Variants in GRIN2B observed in about 807,000 individuals in gnomAD.
GRIN2B encodes glutamate ionotropic receptor NMDA type subunit 2B.
Under a neutral mutation model 114.5 loss-of-function variants are expected in GRIN2B, and 5 were observed. The ratio of observed to expected loss-of-function variants is 0.04; its 90% CI spans 0.02 to 0.09. The LOEUF (loss-of-function observed/expected upper bound fraction) is 0.09. Ranked by LOEUF, GRIN2B falls within the 10% of genes least tolerant of loss-of-function variation. GRIN2B has a pLI of 1.00. For synonymous variants in GRIN2B, 787 were observed against 745.1 expected, an observed-to-expected ratio of 1.06 and a Z score of -0.92; for missense variants, 1,108 against 1,943.5, an observed-to-expected ratio of 0.57 and a Z score of 8.08.
intron 3 of GRIN2B, among the ~76,000 whole-genome samples, chr12:13,859,620 T>C (rs1865721262): frequency 6.6e-6 from 1 of 152,152 alleles, no homozygotes; most frequent in Non-Finnish European, 1.5e-5. Flanking sequence ...TTTTTCTTAC[T>C]CCCTCATCGT....
intron 5 of GRIN2B, among the ~76,000 whole-genome samples, chr12:13,631,248 G>C (rs11055555): frequency 6.6e-6 from 1 of 152,148 alleles, no homozygotes; most frequent in Admixed American, 6.5e-5. Context: ...CCACTGAAGG[G>C]CAGGCGGATA....
intron 3 of GRIN2B, among the ~76,000 whole-genome samples, chr12:13,779,840 C>T (rs150377141): frequency 1.1e-4 from 17 of 152,300 alleles, no homozygotes; most frequent in African/African-American, 3.1e-4. Context: ...GCCTCAGTTG[C>T]CCCATCTGTC....
intron 13 of GRIN2B, among the ~76,000 whole-genome samples, chr12:13,565,379 T>C (rs1948625287): frequency 6.6e-6 from 1 of 152,224 alleles, no homozygotes; most frequent in Non-Finnish European, 1.5e-5. Flanking sequence ...AATTCTCTCA[T>C]TTATTCTCTC....
chr12:13,925,747 G>A (rs1471289693), intron 2 of GRIN2B, among the ~76,000 whole-genome samples: 1 of 152,086 alleles, frequency 6.6e-6, no homozygotes, highest in Non-Finnish European at 1.5e-5. Flanking sequence ...CAAAGCTATT[G>A]AAGCTATTAA....
rs58630929 is a variant in GRIN2B at position 13,783,431 on chromosome 12, G to GGTTTT, written c.412-29521_412-29517dup. On this transcript the variant is annotated intron_variant, in intron 3 of 13. Transcript: ENST00000609686. ...GACAAGAGAATTGGTAACGGAAATA[G>GGTTTT]GTTTTGTTTTGTTTTGTTTTGTTTT... is the stretch of plus-strand genomic sequence containing the variant. Among the ~76,000 whole-genome samples the GGTTTT allele has an allele frequency of 3.0e-3, 455 of 149,748 alleles. 2 individuals carry two copies. The highest frequency in any genetic ancestry group is 4.1e-3 in the Non-Finnish European group (278 of 67,726).
intron 3 of GRIN2B, among the ~76,000 whole-genome samples, chr12:13,809,096 T>G (rs953827447): frequency 2.0e-5 from 3 of 152,138 alleles, no homozygotes; most frequent in African/African-American, 7.2e-5. Flanking sequence ...TTGTAAGATG[T>G]TGAGCAGCAT....
chr12:13,634,929 G>A (rs183687050), intron 5 of GRIN2B, among the ~76,000 whole-genome samples: 2 of 152,338 alleles, frequency 1.3e-5, no homozygotes, highest in Admixed American at 6.5e-5. Flanking sequence ...TTCCAAGGAT[G>A]AGCATTATTG....
chr12:13,771,099 T>C (rs1376928873), intron 3 of GRIN2B, among the ~76,000 whole-genome samples: 1 of 152,088 alleles, frequency 6.6e-6, no homozygotes, highest in Non-Finnish European at 1.5e-5. Context: ...AATTTAATCA[T>C]GGGGGTGGAT....
chr12:13,712,973 A>G (rs903739390), intron 4 of GRIN2B, among the ~76,000 whole-genome samples: 1 of 151,880 alleles, frequency 6.6e-6, no homozygotes, highest in Non-Finnish European at 1.5e-5. Flanking sequence ...AACTATATAC[A>G]ACGCAAGGTG....
intron 3 of GRIN2B, among the ~76,000 whole-genome samples, chr12:13,833,255 C>T (rs939076545): frequency 6.6e-6 from 1 of 152,154 alleles, no homozygotes; most frequent in Admixed American, 6.5e-5. Flanking sequence ...ACTAAAACAT[C>T]TCACAATTTC....
intron 2 of GRIN2B, among the ~76,000 whole-genome samples, chr12:13,941,507 T>C (rs1319831851): frequency 6.6e-6 from 1 of 152,174 alleles, no homozygotes; most frequent in African/African-American, 2.4e-5. Context: ...CTTTTGTTTC[T>C]GAGTCTGAGG....
intron 2 of GRIN2B, among the ~76,000 whole-genome samples, chr12:13,977,068 C>T (rs181668865): frequency 1.1e-3 from 163 of 152,326 alleles, no homozygotes; most frequent in Middle Eastern, 3.4e-3. Flanking sequence ...TGCTGTTCAT[C>T]CCTTCTCCAG....
intron 2 of GRIN2B, among the ~76,000 whole-genome samples, chr12:13,917,543 G>GA (rs1237270616): frequency 2.0e-5 from 3 of 152,168 alleles, no homozygotes; most frequent in African/African-American, 7.2e-5. Context: ...GCACAAGAAG[G>GA]AAAAAGAGGA....
chr12:13,893,409 C>T (rs1489003437), intron 2 of GRIN2B, among the ~76,000 whole-genome samples: 1 of 151,868 alleles, frequency 6.6e-6, no homozygotes, highest in Non-Finnish European at 1.5e-5. Flanking sequence ...ATAGAAAAAT[C>T]CTTAAATTGT....
intron 2 of GRIN2B, among the ~76,000 whole-genome samples, chr12:13,972,976 CG>C (rs1862957218): frequency 6.6e-6 from 1 of 152,124 alleles, no homozygotes; most frequent in South Asian, 2.1e-4. Flanking sequence ...ACACTAATCT[CG>C]AATCCAAAGT....
Position 13,554,225 on chromosome 12 carries a change from G to C in GRIN2B, c.*8558C>G, listed in dbSNP as rs549006329. On this transcript the variant is annotated 3_prime_UTR_variant, in exon 14 of 14. Coordinates refer to ENST00000609686, the MANE Select transcript of GRIN2B (RefSeq NM_000834.5). Reference sequence around the variant, plus strand: ...ACAGGGAGCTTATGCTGTAGCAGGAGAGATGAGATGTATAACCAAATACCT... The same window carrying C: ...ACAGGGAGCTTATGCTGTAGCAGGACAGATGAGATGTATAACCAAATACCT... The C allele has an allele frequency of 6.6e-6, 1 of 152,296 alleles. No homozygotes were observed. The highest frequency in any genetic ancestry group is 2.1e-4 in the South Asian group (1 of 4,822). The allele number at this position is 152,296 out of a possible 1,614,324, so 9.4% of individuals were successfully genotyped here. A position where few individuals can be genotyped will look rare whatever the true frequency, so the allele number is the denominator to read the frequency against.
chr12:13,598,966 C>T (rs1047374412), intron 10 of GRIN2B, among the ~76,000 whole-genome samples: 8 of 152,168 alleles, frequency 5.3e-5, no homozygotes, highest in Non-Finnish European at 1.2e-4. Flanking sequence ...TGATGGCTGA[C>T]AATCCAAGCT....
At chr12:13,661,935 C>T (rs1949927647) in intron 5 of GRIN2B, among the ~76,000 whole-genome samples, 1 of 152,094 alleles carries the variant, frequency 6.6e-6, no homozygotes, top group South Asian at 2.1e-4. Flanking sequence ...CAGTTTATGA[C>T]CTTTCCTATA....
At chr12:13,903,310 C>T (rs909546994) in intron 2 of GRIN2B, among the ~76,000 whole-genome samples, 1 of 152,064 alleles carries the variant, frequency 6.6e-6, no homozygotes, top group Non-Finnish European at 1.5e-5. Flanking sequence ...CTTCATGAGA[C>T]AGATGTCTAG....
Sources: allele counts gnomAD v4.1 joint callset (sites outside exome capture counted in the v4.1 genomes callset), GRCh38; gene constraint gnomAD v4.1.1; transcripts MANE v1.5; gene names NCBI Gene and HGNC (gene_info 2026-07-23, HGNC 2026-07-21).